Variants in BIRC6 observed in about 807,000 individuals in gnomAD.
The protein encoded by BIRC6 is baculoviral IAP repeat containing 6.
In BIRC6, 98 loss-of-function variants were observed where a neutral mutation model predicts 503.3. The observed-to-expected ratio is 0.19, with a 90% CI of 0.17 to 0.23. The LOEUF (loss-of-function observed/expected upper bound fraction) is 0.23, where lower values mean the gene tolerates loss of function less well. BIRC6 is among the 10% of genes least tolerant of loss of function. The pLI is 1.00. For synonymous variants in BIRC6, 2,240 were observed against 2,078.7 expected (o/e 1.08, Z -2.11); for missense variants, 5,360 against 5,806.0 (o/e 0.92, Z 2.50).
chr2:32,513,199 C>G, intron 54 of BIRC6, 45 bp downstream of exon 54: 2 of 1,443,244 alleles, frequency 1.4e-6, no homozygotes, highest in Non-Finnish European at 9.7e-7. Context: ...AGTACTAGAT[C>G]AGTTAGTGTT....
intron 62 of BIRC6, among the ~76,000 whole-genome samples, chr2:32,544,040 CAG>C (rs2057873952): frequency 1.3e-5 from 2 of 151,960 alleles, no homozygotes. Context: ...TGAGTTATCT[CAG>C]AAAATAAATG....
intron 61 of BIRC6, among the ~76,000 whole-genome samples, chr2:32,537,329 A>G (rs543179842): frequency 6.6e-6 from 1 of 152,132 alleles, no homozygotes; most frequent in Non-Finnish European, 1.5e-5. Context: ...ACACCACACC[A>G]CACCTATTCC....
At chr2:32,375,467 C>A (rs1558557748) in intron 1 of BIRC6, among the ~76,000 whole-genome samples, 1 of 151,968 alleles carries the variant, frequency 6.6e-6, no homozygotes, top group South Asian at 2.1e-4. Context: ...CGTAACGAGA[C>A]CCTGTCTCTA....
At chr2:32,436,234 A>G in intron 15 of BIRC6, 50 bp downstream of exon 15, 1 of 1,318,272 alleles carries the variant, frequency 7.6e-7, no homozygotes, top group Middle Eastern at 2.0e-4. Flanking sequence ...CACAGTTGTA[A>G]AAAAGACGAA....
At chr2:32,584,991 C>A (rs2060931671) in intron 66 of BIRC6, among the ~76,000 whole-genome samples, 2 of 152,132 alleles carry the variant, frequency 1.3e-5, no homozygotes, top group African/African-American at 4.8e-5. Flanking sequence ...ATCATTAATT[C>A]TATCCCCAAA....
chr2:32,551,680 C>A (rs1344954126), intron 65 of BIRC6, among the ~76,000 whole-genome samples: 3 of 152,084 alleles, frequency 2.0e-5, no homozygotes, highest in South Asian at 4.1e-4. Context: ...AGTTTATTTT[C>A]CAATTTTTTC....
At chr2:32,468,176 A>T in intron 28 of BIRC6, 65 bp downstream of exon 28, 1 of 1,484,730 alleles carries the variant, frequency 6.7e-7, no homozygotes, top group Non-Finnish European at 9.2e-7. Context: ...TCTTGCTTAT[A>T]ATTCTGTCAA....
chr2:32,579,478 G>A (rs1367691144), intron 66 of BIRC6, among the ~76,000 whole-genome samples: 5 of 152,056 alleles, frequency 3.3e-5, no homozygotes, highest in South Asian at 2.1e-4. Context: ...ACTTGAAGCC[G>A]GGAGTTCAAG....
intron 1 of BIRC6, among the ~76,000 whole-genome samples, chr2:32,364,349 C>T (rs1389064354): frequency 2.0e-5 from 3 of 152,168 alleles, no homozygotes; most frequent in Admixed American, 1.3e-4. Context: ...AAGCGATTCT[C>T]CTGCCTCAGC....
intron 5 of BIRC6, among the ~76,000 whole-genome samples, chr2:32,393,377 T>C (rs2039484783): frequency 6.6e-6 from 1 of 152,164 alleles, no homozygotes; most frequent in South Asian, 2.1e-4. Context: ...TGATTTTAGC[T>C]AGATGTAATA....
chr2:32,489,460 T>C (rs1246768237), intron 42 of BIRC6, among the ~76,000 whole-genome samples: 2 of 151,704 alleles, frequency 1.3e-5, no homozygotes, highest in South Asian at 4.1e-4. Context: ...TGTTTTCATC[T>C]GTTTTTAATT....
intron 1 of BIRC6, among the ~76,000 whole-genome samples, chr2:32,369,941 AAAAAATAT>A (rs1362148689): frequency 2.8e-4 from 13 of 46,024 alleles, no homozygotes; most frequent in South Asian, 1.0e-3. Context: ...AAAAAAAAAA[AAAAAATAT>A]ATATATATAT....
Position 32,617,962 on chromosome 2 carries a change from C to G in BIRC6, c.*58C>G. On this transcript the variant is annotated 3_prime_UTR_variant, in exon 74 of 74. Coordinates refer to ENST00000421745, the MANE Select transcript of BIRC6 (RefSeq NM_016252.4). ...GCTTCGAAGCACAAGCCAAATATGT[C>G]AATATTTGTATGTAAGAAACTAATT... 2 of 1,469,800 alleles carry G rather than the reference C, an allele frequency of 1.4e-6. No individual in the cohort carries two copies. The highest frequency in any genetic ancestry group is 1.9e-6 in the Non-Finnish European group (2 of 1,076,662). The allele number at this position is 1,469,800 out of a possible 1,614,324, so 91.0% of individuals were successfully genotyped here.
At chr2:32,571,198 C>T (rs2150957181) in intron 65 of BIRC6, among the ~76,000 whole-genome samples, 1 of 151,848 alleles carries the variant, frequency 6.6e-6, no homozygotes, top group African/African-American at 2.4e-5. Context: ...GGATATTGGT[C>T]TTTAGTTTTC....
intron 13 of BIRC6, 133 bp downstream of exon 13, chr2:32,433,937 T>G: frequency 1.4e-6 from 1 of 722,120 alleles, no homozygotes; most frequent in Non-Finnish European, 2.1e-6. Context: ...CTTTTTGTGA[T>G]TTTATTTAAA....
intron 70 of BIRC6, 160 bp from the exon 71 acceptor site, chr2:32,602,846 T>C (rs977029011): frequency 3.0e-5 from 15 of 506,850 alleles, no homozygotes; most frequent in African/African-American, 2.6e-4. Flanking sequence ...CATCTGAAGA[T>C]GCCAATTTGT....
intron 1 of BIRC6, 33 bp from the exon 2 acceptor site, chr2:32,377,555 A>G: frequency 6.5e-7 from 1 of 1,546,506 alleles, no homozygotes; most frequent in Non-Finnish European, 8.8e-7. Flanking sequence ...TGGCCTGAAA[A>G]TCTTAAGTGT....
chr2:32,437,673 A>G (rs2044877590), intron 15 of BIRC6, among the ~76,000 whole-genome samples: 2 of 152,238 alleles, frequency 1.3e-5, no homozygotes, highest in Non-Finnish European at 2.9e-5. Context: ...AATCCAAAAT[A>G]TGAAATGTTC....
intron 3 of BIRC6, among the ~76,000 whole-genome samples, chr2:32,383,691 C>T (rs189003224): frequency 4.1e-4 from 62 of 152,214 alleles, no homozygotes; most frequent in African/African-American, 1.5e-3. Context: ...GCCACCACAC[C>T]TGGCTAATTT....
Sources: gnomAD v4.1 joint callset for allele counts (sites outside exome capture counted in the v4.1 genomes callset) on GRCh38, gnomAD v4.1.1 for gene constraint, MANE v1.5 for transcripts, NCBI Gene and HGNC (gene_info 2026-07-23, HGNC 2026-07-21) for gene names.